TEK: variants seen among roughly 807,000 people sequenced by gnomAD.
TEK encodes the protein TEK receptor tyrosine kinase.
A neutral mutation model predicts 131.8 loss-of-function variants in TEK; 43 were observed. That is an observed-to-expected ratio of 0.33 (90% confidence interval 0.26 to 0.42). TEK has a LOEUF of 0.42. TEK is among the 10% of genes least tolerant of loss of function. TEK has a pLI of 1.00. For missense variants in TEK, 1,162 were observed against 1,384.4 expected, an observed-to-expected ratio of 0.84 and a Z score of 2.55; for synonymous variants, 580 against 491.6, an observed-to-expected ratio of 1.18 and a Z score of -2.38.
intron 1 of TEK, among the ~76,000 whole-genome samples, chr9:27,117,585 G>C (rs898328707): frequency 5.0e-4 from 76 of 152,266 alleles, no homozygotes; most frequent in African/African-American, 1.7e-3. Context: ...GGATGTGCCA[G>C]ATGCAGAGTC....
intron 19 of TEK, among the ~76,000 whole-genome samples, chr9:27,218,459 T>A (rs1194505851): frequency 6.6e-6 from 1 of 152,104 alleles, no homozygotes; most frequent in Non-Finnish European, 1.5e-5. Context: ...CACATAAGTA[T>A]TGGGTGGCAG....
intron 1 of TEK, among the ~76,000 whole-genome samples, chr9:27,111,533 GA>G (rs34617595): frequency 0.93 from 134,482 of 144,620 alleles, 62,945 homozygotes; most frequent in South Asian, 1. Context: ...CCCACAGACT[GA>G]AAAAAAAAAA....
chr9:27,218,134 G>A (rs1259320768), intron 19 of TEK, among the ~76,000 whole-genome samples: 2 of 149,550 alleles, frequency 1.3e-5, no homozygotes, highest in Non-Finnish European at 3.0e-5. Flanking sequence ...AGACAGTGGC[G>A]GGGGTCGTCT....
intron 22 of TEK, 137 bp from the exon 23 acceptor site, chr9:27,229,021 G>C (rs146871889): frequency 3.6e-5 from 28 of 771,740 alleles, no homozygotes; most frequent in Non-Finnish European, 6.6e-5. Flanking sequence ...CAGAGGGACT[G>C]AGGACAGAAA....
chr9:27,153,682 T>C (rs1480660629), intron 1 of TEK, among the ~76,000 whole-genome samples: 2 of 152,182 alleles, frequency 1.3e-5, no homozygotes, highest in African/African-American at 2.4e-5. Flanking sequence ...AGCGCTATAA[T>C]GTAAGAAAGG....
chr9:27,177,617 G>T (rs539538782), intron 6 of TEK, among the ~76,000 whole-genome samples: 1 of 152,346 alleles, frequency 6.6e-6, no homozygotes, highest in East Asian at 1.9e-4. Flanking sequence ...AGGCACGGTG[G>T]TGCATGCCTT....
At chr9:27,177,868 T>G (rs1257545729) in intron 6 of TEK, among the ~76,000 whole-genome samples, 1 of 152,258 alleles carries the variant, frequency 6.6e-6, no homozygotes, top group African/African-American at 2.4e-5. Context: ...TATTAACCTC[T>G]TATCAGGTGT....
At chr9:27,144,661 G>A (rs1160694963) in intron 1 of TEK, among the ~76,000 whole-genome samples, 1 of 152,092 alleles carries the variant, frequency 6.6e-6, no homozygotes, top group Non-Finnish European at 1.5e-5. Context: ...CAAATAGGTG[G>A]CACACAATCA....
At chr9:27,176,256 G>A (rs1451314032) in intron 6 of TEK, among the ~76,000 whole-genome samples, 2 of 152,124 alleles carry the variant, frequency 1.3e-5, no homozygotes, top group Non-Finnish European at 2.9e-5. Flanking sequence ...GAGGAAATAA[G>A]CAATAATAGA....
intron 8 of TEK, 115 bp from the exon 9 acceptor site, chr9:27,185,369 CT>C: frequency 7.8e-7 from 1 of 1,280,212 alleles, no homozygotes; most frequent in Non-Finnish European, 1.1e-6. Context: ...TTACATTTAG[CT>C]TCTTGATCTC....
intron 2 of TEK, among the ~76,000 whole-genome samples, chr9:27,165,342 G>A (rs73425192): frequency 0.014 from 2,188 of 152,216 alleles, 47 homozygotes; most frequent in African/African-American, 0.049. Context: ...AAAAATTCTC[G>A]TAGGAGTCCA....
intron 2 of TEK, among the ~76,000 whole-genome samples, chr9:27,160,914 C>T (rs559598045): frequency 4.8e-4 from 73 of 152,130 alleles, no homozygotes; most frequent in Non-Finnish European, 7.2e-4. Context: ...TCACATGTGT[C>T]ATTTTGGATT....
At chr9:27,143,705 T>C (rs1289663955) in intron 1 of TEK, among the ~76,000 whole-genome samples, 1 of 152,138 alleles carries the variant, frequency 6.6e-6, no homozygotes, top group Non-Finnish European at 1.5e-5. Context: ...ATTGTCTACA[T>C]AGGAAGATAA....
intron 18 of TEK, 151 bp downstream of exon 18, chr9:27,213,748 C>T: frequency 4.4e-6 from 3 of 680,610 alleles, no homozygotes; most frequent in Non-Finnish European, 8.1e-6. Flanking sequence ...AACATTCTTT[C>T]TAAATGTTGG....
chr9:27,215,549 C>T (rs949063090), intron 18 of TEK, among the ~76,000 whole-genome samples: 1 of 136,938 alleles, frequency 7.3e-6, no homozygotes, highest in African/African-American at 2.8e-5. Flanking sequence ...GGGTGAGAAC[C>T]CTGCATTAGG....
intron 1 of TEK, among the ~76,000 whole-genome samples, chr9:27,117,764 C>A (rs1424054377): frequency 6.6e-6 from 1 of 152,212 alleles, no homozygotes; most frequent in South Asian, 2.1e-4. Context: ...CTGTCATTTG[C>A]TCTCTGCTTG....
chr9:27,224,145 G>A (rs1387761787), intron 21 of TEK, among the ~76,000 whole-genome samples: 1 of 152,134 alleles, frequency 6.6e-6, no homozygotes. Flanking sequence ...AAAAAGTCCA[G>A]GACCAGACGG....
intron 1 of TEK, among the ~76,000 whole-genome samples, chr9:27,119,206 C>G (rs1480642709): frequency 6.6e-6 from 1 of 152,118 alleles, no homozygotes; most frequent in Admixed American, 6.5e-5. Flanking sequence ...ATCCTGGGCT[C>G]TTTAAAACAC....
chr9:27,109,277 A>G lies in TEK; in HGVS notation c.-314A>G. ...AGCAGCAGAAGCAACAGCAACAGAT[A>G]AGTGTTTTGATGAATTGCGAGATGG... is the stretch of plus-strand genomic sequence containing the variant. On this transcript the variant is annotated 5_prime_UTR_variant, in exon 1 of 23. It adds an upstream start codon to the 5' untranslated region. Coordinates refer to ENST00000380036, the MANE Select transcript of TEK (RefSeq NM_000459.5). 1.9e-6 allele frequency: 1 copy of G among 529,682 alleles called. No homozygotes were observed. Among genetic ancestry groups the G allele is most frequent in the Non-Finnish European group, 3.3e-6 (1 of 303,594 alleles). 32.8% of individuals were successfully genotyped at this position (529,682 alleles called of 1,614,324 possible).
Sources: allele counts gnomAD v4.1 joint callset (sites outside exome capture counted in the v4.1 genomes callset), GRCh38; gene constraint gnomAD v4.1.1; transcripts MANE v1.5; gene names NCBI Gene and HGNC (gene_info 2026-07-23, HGNC 2026-07-21).